SLC30A6: variants seen among roughly 807,000 people sequenced by gnomAD.
SLC30A6 encodes the protein solute carrier family 30 member 6.
SLC30A6 carries 55 observed loss-of-function variants against 63.0 expected under a neutral mutation model. The observed-to-expected ratio is 0.87, with a 90% CI of 0.70 to 1.09. The LOEUF is 1.09. Among genes scored for constraint, SLC30A6 ranks in the 50% least tolerant of loss-of-function variants. The pLI is 0.00. For synonymous variants in SLC30A6, 224 were observed against 186.1 expected, an observed-to-expected ratio of 1.20 and a Z score of -1.66; for missense variants, 587 against 549.2, an observed-to-expected ratio of 1.07 and a Z score of -0.69.
At chr2:32,167,808 A>G (rs768700158) in intron 1 of SLC30A6, among the ~76,000 whole-genome samples, 24 of 152,228 alleles carry the variant, frequency 1.6e-4, no homozygotes, top group Non-Finnish European at 2.8e-4. Context: ...GAGGTCTTTC[A>G]GATTATACAC....
chr2:32,172,402 T>C (rs563317752), intron 2 of SLC30A6, among the ~76,000 whole-genome samples: 1 of 152,070 alleles, frequency 6.6e-6, no homozygotes, highest in South Asian at 2.1e-4. Context: ...TTTTTTGAGA[T>C]GGAATCTTGC....
At chr2:32,199,965 A>G (rs1463610999) in intron 10 of SLC30A6, among the ~76,000 whole-genome samples, 2 of 152,082 alleles carry the variant, frequency 1.3e-5, no homozygotes, top group Non-Finnish European at 2.9e-5. Context: ...AAATACAAAA[A>G]TTAGCTGGGC....
chr2:32,201,167 C>T (rs1157543693), intron 10 of SLC30A6, among the ~76,000 whole-genome samples: 1 of 152,212 alleles, frequency 6.6e-6, no homozygotes, highest in Admixed American at 6.5e-5. Context: ...ATGTTTTTCA[C>T]ATGTGTATCT....
At chr2:32,170,109 A>C (rs1417072521) in intron 1 of SLC30A6, among the ~76,000 whole-genome samples, 1 of 152,080 alleles carries the variant, frequency 6.6e-6, no homozygotes, top group Non-Finnish European at 1.5e-5. Context: ...AAAATCAATC[A>C]ATTTTTTTCC....
intron 13 of SLC30A6, among the ~76,000 whole-genome samples, chr2:32,219,125 C>A (rs190967417): frequency 2.6e-5 from 4 of 152,212 alleles, no homozygotes; most frequent in South Asian, 2.1e-4. Flanking sequence ...CCTCCGCCTC[C>A]CAGGTTCAAG....
intron 9 of SLC30A6, 95 bp from the exon 10 acceptor site, chr2:32,197,612 A>G: frequency 6.5e-7 from 1 of 1,544,930 alleles, no homozygotes; most frequent in Non-Finnish European, 8.9e-7. Context: ...GAAGTACACT[A>G]TGTGGTACCA....
intron 4 of SLC30A6, among the ~76,000 whole-genome samples, chr2:32,175,787 C>G (rs1681684733): frequency 6.6e-6 from 1 of 152,000 alleles, no homozygotes; most frequent in Non-Finnish European, 1.5e-5. Context: ...ACCAGCCTGG[C>G]CAACATGGTG....
chr2:32,186,726 A>C (rs988648226), intron 5 of SLC30A6, among the ~76,000 whole-genome samples: 1 of 151,198 alleles, frequency 6.6e-6, no homozygotes. Context: ...AGTCAGATGC[A>C]GTGGCTCATG....
At chr2:32,208,563 AGC>A (rs1684983624) in intron 12 of SLC30A6, among the ~76,000 whole-genome samples, 1 of 151,802 alleles carries the variant, frequency 6.6e-6, no homozygotes, top group Admixed American at 6.6e-5. Flanking sequence ...TACAGGCATG[AGC>A]CACTGTGCCC....
intron 13 of SLC30A6, 72 bp from the exon 14 acceptor site, chr2:32,220,141 A>T: frequency 6.7e-7 from 1 of 1,482,700 alleles, no homozygotes; most frequent in Non-Finnish European, 9.0e-7. Flanking sequence ...CATAAATAAA[A>T]TGTTTTATCT....
chr2:32,209,688 T>G (rs1685086837), intron 13 of SLC30A6, 127 bp downstream of exon 13: 1 of 746,150 alleles, frequency 1.3e-6, no homozygotes, highest in Admixed American at 3.1e-5. Context: ...AAGCAGAGTC[T>G]AAAATGTACA....
intron 8 of SLC30A6, among the ~76,000 whole-genome samples, chr2:32,194,928 C>T (rs923223885): frequency 6.6e-6 from 1 of 152,076 alleles, no homozygotes; most frequent in Non-Finnish European, 1.5e-5. Context: ...AACACTGTTT[C>T]CCTGTAAAGA....
intron 13 of SLC30A6, among the ~76,000 whole-genome samples, chr2:32,211,845 C>G (rs1685283343): frequency 6.6e-6 from 1 of 152,140 alleles, no homozygotes; most frequent in Non-Finnish European, 1.5e-5. Flanking sequence ...GTCTCAGACT[C>G]CTGACCTCAA....
rs564014473 is a variant in SLC30A6 at position 32,216,929 on chromosome 2, C to T, written c.886-3284C>T. 1.1e-4 allele frequency among the ~76,000 whole-genome samples: 17 copies of T among 152,090 alleles called. No individual in the cohort carries two copies. The South Asian group carries it at 3.5e-3, about 32-fold the overall frequency. On this transcript the variant is annotated intron_variant, in intron 13 of 13. Coordinates refer to ENST00000282587, the MANE Select transcript of SLC30A6 (RefSeq NM_017964.5). Reference sequence around the variant, plus strand: ...TTTTAGACGAAGTCTAGCTCTGTCACCCAGGCTGGAGTGCAGTGGCATGAT... The same window carrying T: ...TTTTAGACGAAGTCTAGCTCTGTCATCCAGGCTGGAGTGCAGTGGCATGAT...
intron 11 of SLC30A6, among the ~76,000 whole-genome samples, chr2:32,206,101 A>G (rs1684744541): frequency 6.6e-6 from 1 of 152,160 alleles, no homozygotes; most frequent in Non-Finnish European, 1.5e-5. Flanking sequence ...AAAATCTTAA[A>G]TGACACATTG....
chr2:32,168,171 G>C (rs1354115704), intron 1 of SLC30A6, among the ~76,000 whole-genome samples: 2 of 151,078 alleles, frequency 1.3e-5, no homozygotes, highest in Non-Finnish European at 2.9e-5. Context: ...CGTTTATTAA[G>C]AACATGCTAT....
chr2:32,187,858 C>T (rs1682974255), intron 5 of SLC30A6, among the ~76,000 whole-genome samples: 1 of 152,110 alleles, frequency 6.6e-6, no homozygotes, highest in Non-Finnish European at 1.5e-5. Flanking sequence ...GTCAAGGTAA[C>T]CTACAAACAC....
chr2:32,202,626 C>A, intron 10 of SLC30A6: 1 of 526,994 alleles, frequency 1.9e-6, no homozygotes, highest in South Asian at 1.7e-5. Context: ...CCACTGTGCC[C>A]AGCTCTGATT....
intron 4 of SLC30A6, among the ~76,000 whole-genome samples, chr2:32,183,966 G>A (rs1282769120): frequency 1.3e-5 from 2 of 152,082 alleles, no homozygotes; most frequent in Non-Finnish European, 2.9e-5. Flanking sequence ...ACCATTTAGG[G>A]TGAATAACAT....
Sources: allele counts gnomAD v4.1 joint callset (sites outside exome capture counted in the v4.1 genomes callset), GRCh38; gene constraint gnomAD v4.1.1; transcripts MANE v1.5; gene names NCBI Gene and HGNC (gene_info 2026-07-23, HGNC 2026-07-21).